CHD7: variants seen among roughly 807,000 people sequenced by gnomAD.
The protein encoded by CHD7 is chromodomain helicase DNA binding protein 7, also known as ATP-dependent chromatin remodeler CHD7.
A neutral mutation model predicts 307.3 loss-of-function variants in CHD7; 24 were observed. The ratio of observed to expected loss-of-function variants is 0.08; its 90% CI spans 0.06 to 0.11. CHD7 has a LOEUF of 0.11. Among genes scored for constraint, CHD7 ranks in the 10% least tolerant of loss-of-function variants. The pLI, the probability that CHD7 is intolerant of heterozygous loss-of-function variation, is 1.00. For missense variants in CHD7, 3,106 were observed against 3,727.1 expected, an observed-to-expected ratio of 0.83 and a Z score of 4.34; for synonymous variants, 1,363 against 1,349.9, an observed-to-expected ratio of 1.01 and a Z score of -0.21.
chr8:60,847,215 G>A (rs977084684), intron 23 of CHD7, among the ~76,000 whole-genome samples: 1 of 152,216 alleles, frequency 6.6e-6, no homozygotes, highest in African/African-American at 2.4e-5. Flanking sequence ...GGGAGGGCCT[G>A]TTGAGGAGCA....
In CHD7 at chr8:60,856,800, C is replaced by G. The variant is rs1805738245; in HGVS notation, c.7520C>G (p.Pro2507Arg). 3 of 1,609,022 alleles carry G rather than the reference C, an allele frequency of 1.9e-6. No individual in the cohort carries two copies. Among genetic ancestry groups the G allele is most frequent in the Non-Finnish European group, 2.5e-6 (3 of 1,176,940 alleles). The change falls in exon 34 of 38, where the codon CCT (proline) becomes CGT (arginine). Residue 2507 changes from proline (P) to arginine (R), a missense_variant. This residue lies in a region of CHD7 where 1,030 missense variants were observed against 1,165.4 expected (regional missense o/e 0.88). Coordinates refer to ENST00000423902, the MANE Select transcript of CHD7 (RefSeq NM_017780.4). Reference protein sequence around the residue: ...LLNGSLVDGEPPMKRRRGRRK... With the variant: ...LLNGSLVDGERPMKRRRGRRK... The stretch of plus-strand genomic sequence containing the variant: ...AATGGCTCCCTAGTGGATGGAGAGC[C>G]TCCCATGAAGAGGAGGCGGGGAAGG...
At chr8:60,729,366 A>AT (rs1208596617) in intron 1 of CHD7, among the ~76,000 whole-genome samples, 1 of 152,142 alleles carries the variant, frequency 6.6e-6, no homozygotes, top group Non-Finnish European at 1.5e-5. Flanking sequence ...TAGGATAGTG[A>AT]TTTTTTCAAA....
intron 1 of CHD7, among the ~76,000 whole-genome samples, chr8:60,710,941 G>A (rs1186153586): frequency 2.6e-5 from 4 of 152,222 alleles, no homozygotes; most frequent in South Asian, 2.1e-4. Flanking sequence ...TACACTAGGC[G>A]ATGAAAGAGG....
intron 15 of CHD7, among the ~76,000 whole-genome samples, chr8:60,834,043 T>G (rs1804640353): frequency 6.6e-6 from 1 of 152,240 alleles, no homozygotes; most frequent in Admixed American, 6.5e-5. Flanking sequence ...GAAGTAGCTT[T>G]TGTCAGGTAA....
Position 60,742,656 on chromosome 8 carries a change from T to C in CHD7, c.1224T>C (p.Thr408=). The change falls in exon 2 of 38, where the codon ACT becomes ACC. Residue 408 remains threonine, a synonymous_variant. Coordinates refer to ENST00000423902, the MANE Select transcript of CHD7 (RefSeq NM_017780.4). The part of the protein sequence containing the change: ...PMKAMSNPAG[T]PPPQVRPGSA... ...AAGCAATGAGTAATCCAGCAGGCAC[T>C]CCTCCTCCACAAGTCAGGCCGGGAA... 1 of 1,610,602 alleles carries C rather than the reference T, an allele frequency of 6.2e-7. No homozygotes were observed. The highest frequency in any genetic ancestry group is 8.5e-7 in the Non-Finnish European group (1 of 1,177,554).
intron 1 of CHD7, among the ~76,000 whole-genome samples, 171 bp downstream of exon 1, chr8:60,679,253 G>C (rs1250289997): frequency 2.0e-5 from 3 of 148,376 alleles, no homozygotes; most frequent in African/African-American, 7.3e-5. Flanking sequence ...GGCCAGCGCA[G>C]GAGCGCAGCG....
At chr8:60,751,295 T>TC (rs747538227) in intron 2 of CHD7, among the ~76,000 whole-genome samples, 2 of 152,158 alleles carry the variant, frequency 1.3e-5, no homozygotes, top group Admixed American at 1.3e-4. Context: ...ATATGCATGA[T>TC]CCCCCCTCCC....
At chr8:60,851,175 C>T in intron 27 of CHD7, 71 bp downstream of exon 27, 1 of 1,481,412 alleles carries the variant, frequency 6.8e-7, no homozygotes, top group Non-Finnish European at 9.2e-7. Context: ...ACTTGTTAAA[C>T]TTTATAGATA....
At chr8:60,774,408 A>G (rs1420878269) in intron 2 of CHD7, among the ~76,000 whole-genome samples, 1 of 152,230 alleles carries the variant, frequency 6.6e-6, no homozygotes, top group African/African-American at 2.4e-5. Context: ...ACAGATGATT[A>G]AAGGAAACAT....
chr8:60,853,620 T>A, intron 31 of CHD7, 120 bp downstream of exon 31: 1 of 751,264 alleles, frequency 1.3e-6, no homozygotes, highest in Non-Finnish European at 2.0e-6. Context: ...TTTTCTTCTG[T>A]GAAGGGATAA....
In CHD7 at chr8:60,852,097, G is replaced by A. The variant is rs1024600310; in HGVS notation, c.5744G>A (p.Arg1915Gln). The change falls in exon 29 of 38, where the codon CGG becomes CAG. Residue 1915 changes from arginine to glutamine, a missense_variant. Arg to Gln is a conservative substitution (Grantham distance 43). Around this residue, in one of 10 missense-constraint regions of CHD7, gnomAD observed 1,030 missense variants for 1,165.4 expected, o/e 0.88. Transcript: ENST00000423902. ...NTSTLTTRLR[R>Q]LITAYQRSYK... ...TCAACCCTGACTACACGTCTGCGCC[G>A]GCTCATTACTGCCTATCAGCGCAGC... The A allele has an allele frequency of 3.7e-6, 6 of 1,613,946 alleles. No homozygotes were observed. Among genetic ancestry groups the A allele is most frequent in the South Asian group, 1.1e-5 (1 of 91,074 alleles).
Position 60,741,526 on chromosome 8 carries a change from A to G in CHD7, c.94A>G (p.Asn32Asp). 6.2e-7 allele frequency: 1 copy of G among 1,613,402 alleles called. No homozygotes were observed. Among genetic ancestry groups the G allele is most frequent in the Non-Finnish European group, 8.5e-7 (1 of 1,179,610 alleles). ...EGLGECGYPE[N>D]PVNPMGQQMP... ...CCTCGGAGAATGTGGTTACCCGGAA[A>G]ATCCAGTAAATCCTATGGGTCAGCA... Residue 32 changes from asparagine to aspartate, a missense_variant, in exon 2 of 38, where the codon AAT becomes GAT. This residue lies in a region of CHD7 where 998 missense variants were observed against 1,004.5 expected (regional missense o/e 0.99). Transcript: ENST00000423902.
chr8:60,750,776 ACT>A (rs1261050747), intron 2 of CHD7, among the ~76,000 whole-genome samples: 1 of 152,178 alleles, frequency 6.6e-6, no homozygotes, highest in Non-Finnish European at 1.5e-5. Context: ...CACATGCTAG[ACT>A]CTTTCCCTAT....
chr8:60,679,448 G>GA (rs1405986199), intron 1 of CHD7: 13 of 101,610 alleles, frequency 1.3e-4, no homozygotes, highest in Non-Finnish European at 2.1e-4. Context: ...TGGGGGGGGG[G>GA]TACGGGGGAC....
intron 2 of CHD7, among the ~76,000 whole-genome samples, chr8:60,749,913 T>C (rs1330653455): frequency 6.6e-6 from 1 of 152,232 alleles, no homozygotes; most frequent in Non-Finnish European, 1.5e-5. Context: ...CTTCAATTTA[T>C]ATATACTACA....
chr8:60,864,075 A>T (rs1806131804), intron 37 of CHD7: 1 of 151,958 alleles, frequency 6.6e-6, no homozygotes, highest in South Asian at 2.1e-4. Context: ...ACAAAAATTA[A>T]TTGATGAATC....
intron 2 of CHD7, among the ~76,000 whole-genome samples, chr8:60,750,347 G>A (rs990024694): frequency 6.6e-6 from 1 of 152,164 alleles, no homozygotes; most frequent in African/African-American, 2.4e-5. Flanking sequence ...ACTGTGTTAA[G>A]GAGAGATTGC....
chr8:60,847,789 A>G (rs1805279564), intron 23 of CHD7, among the ~76,000 whole-genome samples: 1 of 152,208 alleles, frequency 6.6e-6, no homozygotes, highest in Admixed American at 6.5e-5. Flanking sequence ...TTTCTTGAGA[A>G]TGATTAAGAA....
chr8:60,700,497 A>AT (rs1237848181), intron 1 of CHD7, among the ~76,000 whole-genome samples: 8 of 152,348 alleles, frequency 5.3e-5, no homozygotes, highest in African/African-American at 1.9e-4. Flanking sequence ...ACCACGGAAG[A>AT]TTACTACATT....
Sources: allele counts gnomAD v4.1 joint callset (sites outside exome capture counted in the v4.1 genomes callset), GRCh38; gene constraint gnomAD v4.1.1; regional missense constraint gnomAD v4.1.1; transcripts MANE v1.5; gene names NCBI Gene and HGNC (gene_info 2026-07-23, HGNC 2026-07-21).